Variants in THEMIS2 observed in about 807,000 individuals in gnomAD.
The protein encoded by THEMIS2 is thymocyte selection associated family member 2, also known as protein THEMIS2.
A neutral mutation model predicts 46.8 loss-of-function variants in THEMIS2; 29 were observed. The ratio of observed to expected loss-of-function variants is 0.62; its 90% confidence interval spans 0.46 to 0.84. The LOEUF (loss-of-function observed/expected upper bound fraction) is 0.84, where lower values mean the gene tolerates loss of function less well. THEMIS2 is among the 40% of genes least tolerant of loss of function. The probability of loss-of-function intolerance (pLI) is 0.00; values close to 1 mark genes in which losing one functional copy is unlikely to be tolerated. For synonymous variants in THEMIS2, 335 were observed against 349.1 expected (o/e 0.96, Z 0.45); for missense variants, 698 against 834.7 (o/e 0.84, Z 2.02).
At chr1:27,873,925 A>G (rs895356102) in intron 1 of THEMIS2, among the ~76,000 whole-genome samples, 3 of 151,360 alleles carry the variant, frequency 2.0e-5, no homozygotes, top group African/African-American at 7.3e-5. Context: ...CGGAGGACAG[A>G]TGGCCATGCC....
intron 1 of THEMIS2, among the ~76,000 whole-genome samples, chr1:27,874,758 G>A (rs2089547949): frequency 6.6e-6 from 1 of 152,020 alleles, no homozygotes; most frequent in South Asian, 2.1e-4. Context: ...CTCCAGTCTG[G>A]GCGACAGTGA....
chr1:27,880,638 T>A (rs866546986), intron 3 of THEMIS2, among the ~76,000 whole-genome samples: 34 of 152,190 alleles, frequency 2.2e-4, no homozygotes, highest in African/African-American at 2.9e-4. Flanking sequence ...AAAATTTTTT[T>A]AAAAAATTAG....
chr1:27,885,930 AGGAACCAC>A lies in THEMIS2; in HGVS notation c.*10_*17del, dbSNP rs2089763615. The A allele has an allele frequency of 1.9e-6, 3 of 1,613,816 alleles. No homozygotes were observed. Among genetic ancestry groups the A allele is most frequent in the East Asian group, 4.5e-5 (2 of 44,888 alleles). ...TTTCAGAAAACCATCTAAGTGCTGGAGGAACCACGCTTCCTAACTGCTGCTTCTCAGGG... is the reference window on the plus strand; with the variant it reads ...TTTCAGAAAACCATCTAAGTGCTGGAGCTTCCTAACTGCTGCTTCTCAGGG... On this transcript the variant is annotated 3_prime_UTR_variant, in exon 6 of 6. Transcript: ENST00000373921.
chr1:27,880,077 T>C (rs12568383), intron 3 of THEMIS2, 23 bp downstream of exon 3: 563,188 of 1,565,264 alleles, frequency 0.36, 104,507 homozygotes, highest in Middle Eastern at 0.38. Context: ...GGCAGATGGA[T>C]GCGCGCTGCT....
Position 27,876,670 on chromosome 1 carries a change from G to A in THEMIS2, c.177G>A (p.Lys59=). The change falls in exon 2 of 6, where the codon AAG becomes AAA. Residue 59 remains lysine, a synonymous_variant. Coordinates refer to ENST00000373921, the MANE Select transcript of THEMIS2 (RefSeq NM_001105556.3). The stretch of plus-strand genomic sequence containing the variant: ...AGGTCACCCAGGTCCGCCTCCAGAA[G>A]GTGGTCTGTGAGAACCCGAAGACCA... ...LIKVTQVRLQ[K]VVCENPKTSQ... 6.2e-7 allele frequency: 1 copy of A among 1,614,068 alleles called. No homozygotes were observed. The highest frequency in any genetic ancestry group is 8.5e-7 in the Non-Finnish European group (1 of 1,179,996).
At position 27,882,394 on chromosome 1, in the gene THEMIS2, G is replaced by A. The variant is rs2089697732; in HGVS notation, c.1070G>A (p.Gly357Asp). The change falls in exon 4 of 6, where the codon GGC becomes GAC. Residue 357 changes from glycine (G) to aspartate (D), a missense_variant. Coordinates refer to ENST00000373921, the MANE Select transcript of THEMIS2 (RefSeq NM_001105556.3). This position sits in a 1 kb window ranked among gnomAD's most constrained non-coding sequence, Gnocchi z 7.6. ...GTGGTGGCCACAAAGGACTGTGAGG[G>A]CGAGAGGGAGGAGAATCCCGAGTTC... ...LRVVATKDCEGEREENPEFTS... is the reference protein window; with the variant it reads ...LRVVATKDCEDEREENPEFTS... 1 of 1,606,942 alleles carries A rather than the reference G, an allele frequency of 6.2e-7. No individual in the cohort carries two copies. Among genetic ancestry groups the A allele is most frequent in the East Asian group, 2.2e-5 (1 of 44,758 alleles).
At chr1:27,876,817 C>T in intron 2 of THEMIS2, 89 bp downstream of exon 2, 1 of 1,502,104 alleles carries the variant, frequency 6.7e-7, no homozygotes, top group Non-Finnish European at 9.0e-7. Context: ...GTCCAGCAGT[C>T]ACTCCCTCCC....
At chr1:27,877,465 A>G (rs1178500081) in intron 2 of THEMIS2, among the ~76,000 whole-genome samples, 1 of 152,062 alleles carries the variant, frequency 6.6e-6, no homozygotes, top group African/African-American at 2.4e-5. Flanking sequence ...AGCTGGGACT[A>G]CAGGCGCCCG....
chr1:27,882,690 A>G lies in THEMIS2; in HGVS notation c.1366A>G (p.Lys456Glu), dbSNP rs1487924502. The G allele has an allele frequency of 6.2e-7, 1 of 1,613,952 alleles. No homozygotes were observed. Among genetic ancestry groups the G allele is most frequent in the Admixed American group, 1.7e-5 (1 of 60,004 alleles). ...CCAGTTTTCACTGCCTTGTGAGGTC[A>G]AGGTGGTGGCCAAGGACACCAGCCA... ...TAQFSLPCEV[K>E]VVAKDTSHPT... Residue 456 changes from lysine to glutamate, a missense_variant, in exon 4 of 6, where the codon AAG becomes GAG. Lys to Glu is a moderately conservative substitution (Grantham distance 56). Transcript: ENST00000373921. The surrounding 1 kb of genome is among the most constrained non-coding windows in gnomAD (Gnocchi z 7.6).
chr1:27,876,703 C>G lies in THEMIS2; in HGVS notation c.210C>G (p.Thr70=). ...VVCENPKTSQ[T]MELAPNFQGY... The stretch of plus-strand genomic sequence containing the variant: ...GTGAGAACCCGAAGACCAGCCAGAC[C>G]ATGGAGCTCGCCCCCAACTTCCAGG... Residue 70 remains threonine, a synonymous_variant, in exon 2 of 6, where the codon ACC becomes ACG. Transcript: ENST00000373921. The G allele has an allele frequency of 6.2e-7, 1 of 1,613,946 alleles. No individual in the cohort carries two copies. The highest frequency in any genetic ancestry group is 8.5e-7 in the Non-Finnish European group (1 of 1,179,980).
At position 27,880,078 on chromosome 1, in the gene THEMIS2, G is replaced by A. The variant is rs759494823; in HGVS notation, c.646+24G>A. On this transcript the variant is annotated intron_variant, in intron 3 of 5. Transcript: ENST00000373921. ...CAGTGAGTTGCCTGGGCAGATGGAT[G>A]CGCGCTGCTGGGGGAGAGAAAGAGG... is the stretch of plus-strand genomic sequence containing the variant. 8 of 1,561,514 alleles carry A rather than the reference G, an allele frequency of 5.1e-6. No homozygotes were observed. The East Asian group carries it at 6.9e-5, about 13-fold the overall frequency.
chr1:27,873,617 G>A (rs935707451), intron 1 of THEMIS2, among the ~76,000 whole-genome samples: 3 of 152,238 alleles, frequency 2.0e-5, no homozygotes, highest in African/African-American at 7.2e-5. Context: ...GAAGGGTCCC[G>A]CAGGGGGCCA....
At position 27,882,728 on chromosome 1, in the gene THEMIS2, TCTGACCTCCTTC is replaced by T; in HGVS notation, c.1408_1419del (p.Thr470_Leu473del). 6.2e-7 allele frequency: 1 copy of T among 1,613,738 alleles called. No homozygotes were observed. Among genetic ancestry groups the T allele is most frequent in the South Asian group, 1.1e-5 (1 of 91,064 alleles). The stretch of plus-strand genomic sequence containing the variant: ...AGGACACCAGCCACCCCACTGACCC[TCTGACCTCCTTC>T]CTGGGCCTGCGGCTGGAGGAGAAGA... On this transcript the variant is annotated inframe_deletion, in exon 4 of 6. Transcript: ENST00000373921. The surrounding 1 kb of genome is among the most constrained non-coding windows in gnomAD (Gnocchi z 7.6).
intron 2 of THEMIS2, among the ~76,000 whole-genome samples, chr1:27,878,167 G>A (rs1275819358): frequency 4.7e-5 from 7 of 149,126 alleles, no homozygotes; most frequent in Admixed American, 2.0e-4. Flanking sequence ...CTGGTACAAA[G>A]CAGGCACACT....
At chr1:27,877,838 C>A (rs886206471) in intron 2 of THEMIS2, among the ~76,000 whole-genome samples, 1 of 152,066 alleles carries the variant, frequency 6.6e-6, no homozygotes, top group Non-Finnish European at 1.5e-5. Context: ...ATGTATACAG[C>A]ACTTAGAAGG....
intron 5 of THEMIS2, 40 bp downstream of exon 5, chr1:27,885,491 C>G: frequency 6.2e-7 from 1 of 1,600,734 alleles, no homozygotes; most frequent in Non-Finnish European, 8.5e-7. Flanking sequence ...GTCCTTGTGT[C>G]TCCCCTCCCT....
chr1:27,884,250 T>C (rs558061710), intron 4 of THEMIS2: 3 of 152,272 alleles, frequency 2.0e-5, no homozygotes, highest in Non-Finnish European at 4.4e-5. Context: ...GAGCTTGCAA[T>C]TGGGTCTGAC....
At chr1:27,883,868 G>A (rs2089726408) in intron 4 of THEMIS2, 1 of 152,186 alleles carries the variant, frequency 6.6e-6, no homozygotes, top group Non-Finnish European at 1.5e-5. Flanking sequence ...AGTTCTGTCG[G>A]GGCAGGGACC....
Position 27,882,085 on chromosome 1 carries a change from C to A in THEMIS2, c.761C>A (p.Ala254Asp). Reference protein sequence around the residue: ...IKPLLLSEVLAWEGPFPLSME... With the variant: ...IKPLLLSEVLDWEGPFPLSME... ...CCGCTGCTGCTGAGCGAGGTCCTGG[C>A]CTGGGAAGGCCCTTTCCCCCTGTCC... Residue 254 changes from alanine to aspartate, a missense_variant, in exon 4 of 6, where the codon GCC becomes GAC. Physicochemically the swap from Ala to Asp is moderately radical, Grantham distance 126 (BLOSUM62 -2). Transcript: ENST00000373921. The surrounding 1 kb of genome is among the most constrained non-coding windows in gnomAD (Gnocchi z 7.6). 1.2e-6 allele frequency: 2 copies of A among 1,614,252 alleles called. No individual in the cohort carries two copies. The highest frequency in any genetic ancestry group is 8.5e-7 in the Non-Finnish European group (1 of 1,180,046).
Sources: allele counts gnomAD v4.1 joint callset (sites outside exome capture counted in the v4.1 genomes callset), GRCh38; gene constraint gnomAD v4.1.1; non-coding constraint Gnocchi (gnomAD v3.1); transcripts MANE v1.5; gene names NCBI Gene and HGNC (gene_info 2026-07-23, HGNC 2026-07-21).